The following REV3L variants were observed in gnomAD, a reference collection of about 807,000 sequenced individuals.
REV3L encodes the protein DNA polymerase zeta catalytic subunit.
REV3L carries 69 observed loss-of-function variants against 299.4 expected under a neutral mutation model. The observed-to-expected ratio is 0.23, with a 90% CI of 0.19 to 0.28. The LOEUF is 0.28. Ranked by LOEUF, REV3L falls within the 10% of genes least tolerant of loss-of-function variation. REV3L has a pLI of 1.00. For missense variants in REV3L, 3,128 were observed against 3,693.8 expected (o/e 0.85, Z 3.97); for synonymous variants, 1,238 against 1,271.4 (o/e 0.97, Z 0.56).
Position 111,376,334 on chromosome 6 carries a change from GGTACTT to G in REV3L, c.2015_2020del (p.Gln672_Val673del). On this transcript the variant is annotated inframe_deletion, in exon 13 of 32. Coordinates refer to ENST00000368802, the MANE Select transcript of REV3L (RefSeq NM_001372078.1). ...TCTAATGTTTGTATATTTTCTACTT[GGTACTT>G]GTCTTGTAACAGATGGAATATCTTC... The G allele has an allele frequency of 3.1e-6, 5 of 1,612,638 alleles. No individual in the cohort carries two copies. Among genetic ancestry groups the G allele is most frequent in the Non-Finnish European group, 4.2e-6 (5 of 1,179,486 alleles).
intron 25 of REV3L, among the ~76,000 whole-genome samples, chr6:111,328,568 G>A (rs1775069373): frequency 6.6e-6 from 1 of 152,118 alleles, no homozygotes; most frequent in African/African-American, 2.4e-5. Flanking sequence ...TGCAGAAATA[G>A]GTGTATGCTA....
At position 111,472,580 on chromosome 6, in the gene REV3L, G is replaced by GA. The variant is rs771320199; in HGVS notation, c.139+10169dup. Among the ~76,000 whole-genome samples, 497 of 138,246 alleles carry GA rather than the reference G, an allele frequency of 3.6e-3. 2 individuals carry two copies. Among genetic ancestry groups the GA allele is most frequent in the African/African-American group, 9.5e-3 (358 of 37,782 alleles). 90.7% of individuals were successfully genotyped at this position (138,246 alleles called of 152,430 possible). On this transcript the variant is annotated intron_variant, in intron 1 of 31. Transcript: ENST00000368802. ...TAAAAAAATAGAATTGGCCAAAAAA[G>GA]AAAAAAAAAAACCACGAAATTTTCC...
At chr6:111,454,883 C>T (rs992093045) in intron 1 of REV3L, among the ~76,000 whole-genome samples, 1 of 152,148 alleles carries the variant, frequency 6.6e-6, no homozygotes, top group Non-Finnish European at 1.5e-5. Context: ...TCAGACTGGT[C>T]TCAAACTCCC....
At chr6:111,321,277 T>C (rs573675480) in intron 26 of REV3L, among the ~76,000 whole-genome samples, 2 of 152,340 alleles carry the variant, frequency 1.3e-5, no homozygotes, top group South Asian at 2.1e-4. Context: ...TTATTTTTTG[T>C]AGCTTGACTT....
At chr6:111,460,401 C>A (rs768194889) in intron 1 of REV3L, 1 of 141,214 alleles carries the variant, frequency 7.1e-6, no homozygotes, top group Non-Finnish European at 1.5e-5. Context: ...CAGGTACACC[C>A]GGAATCTAAA....
At chr6:111,437,725 G>A (rs957210765) in intron 1 of REV3L, among the ~76,000 whole-genome samples, 9 of 152,008 alleles carry the variant, frequency 5.9e-5, no homozygotes, top group Admixed American at 4.6e-4. Flanking sequence ...TATTTGAGAC[G>A]GTGTTTCTTT....
At chr6:111,351,181 A>G (rs1307380884) in intron 19 of REV3L, among the ~76,000 whole-genome samples, 4 of 152,186 alleles carry the variant, frequency 2.6e-5, no homozygotes, top group Admixed American at 6.5e-5. Context: ...ATAAAAATCA[A>G]TGATTAGTTA....
At chr6:111,482,288 A>C (rs1331241258) in intron 1 of REV3L, among the ~76,000 whole-genome samples, 1 of 152,156 alleles carries the variant, frequency 6.6e-6, no homozygotes, top group Non-Finnish European at 1.5e-5. Context: ...AGCGACTGAC[A>C]ACAAGGCTGA....
intron 1 of REV3L, among the ~76,000 whole-genome samples, chr6:111,449,206 T>C (rs984123035): frequency 2.6e-5 from 4 of 152,306 alleles, no homozygotes; most frequent in Admixed American, 2.6e-4. Context: ...TTGGCCAGCA[T>C]AGGACAGTAA....
At chr6:111,481,561 G>A (rs906973432) in intron 1 of REV3L, among the ~76,000 whole-genome samples, 1 of 152,166 alleles carries the variant, frequency 6.6e-6, no homozygotes, top group Admixed American at 6.5e-5. Context: ...CTTGTGTTTG[G>A]GAAAGCGCTA....
chr6:111,415,980 A>T (rs1784728147), intron 2 of REV3L, among the ~76,000 whole-genome samples: 1 of 152,230 alleles, frequency 6.6e-6, no homozygotes, highest in South Asian at 2.1e-4. Flanking sequence ...AAACGCCTAG[A>T]ACAGTGCTTA....
Position 111,373,744 on chromosome 6 carries a change from T to C in REV3L, c.4611A>G (p.Arg1537=), listed in dbSNP as rs1299649391. 2 of 1,613,912 alleles carry C rather than the reference T, an allele frequency of 1.2e-6. No homozygotes were observed. Among genetic ancestry groups the C allele is most frequent in the African/African-American group, 2.7e-5 (2 of 74,932 alleles). ...TATTTGCATTTTGTGCTTTCTGCTG[T>C]CTTTTTTGTAACAATTCTTTTAGAA... is the stretch of plus-strand genomic sequence containing the variant. ...LAVLKELLQK[R]QQKAQNANTT... Residue 1537 remains arginine (R), a synonymous_variant, in exon 13 of 32, where the codon AGA becomes AGG. Transcript: ENST00000368802.
At chr6:111,481,518 T>A (rs1189865935) in intron 1 of REV3L, among the ~76,000 whole-genome samples, 1 of 152,186 alleles carries the variant, frequency 6.6e-6, no homozygotes, top group Non-Finnish European at 1.5e-5. Context: ...CAAAGAGAAT[T>A]CACATTAAAA....
intron 19 of REV3L, among the ~76,000 whole-genome samples, chr6:111,351,428 T>G (rs979847087): frequency 1.3e-5 from 2 of 152,110 alleles, no homozygotes; most frequent in African/African-American, 4.8e-5. Flanking sequence ...CCACTACATA[T>G]GTATATGAAA....
intron 29 of REV3L, 168 bp downstream of exon 29, chr6:111,310,901 C>T (rs1772901112): frequency 2.2e-6 from 1 of 462,336 alleles, no homozygotes; most frequent in African/African-American, 2.0e-5. Context: ...TTCCTCTTCA[C>T]ATCTTACGAA....
chr6:111,374,614 A>G lies in REV3L; in HGVS notation c.3741T>C (p.Asn1247=), dbSNP rs759869660. Residue 1247 remains asparagine, a synonymous_variant, in exon 13 of 32, where the codon AAT becomes AAC. Coordinates refer to ENST00000368802, the MANE Select transcript of REV3L (RefSeq NM_001372078.1). ...CAGAACTACTTGCAAATTCAGACAC[A>G]TTCTGGTGTTTCAGTACAAACTTAA... is the stretch of plus-strand genomic sequence containing the variant. ...AEVKFVLKHQ[N]VSEFASSSGG... is the part of the protein sequence containing the mutation. 6.2e-7 allele frequency: 1 copy of G among 1,613,780 alleles called. No individual in the cohort carries two copies. The highest frequency in any genetic ancestry group is 8.5e-7 in the Non-Finnish European group (1 of 1,179,900).
chr6:111,452,359 A>G (rs961939248), intron 1 of REV3L, among the ~76,000 whole-genome samples: 1 of 152,196 alleles, frequency 6.6e-6, no homozygotes, highest in African/African-American at 2.4e-5. Flanking sequence ...AAGTATTTAT[A>G]AGAGAAATGA....
chr6:111,336,971 T>C (rs180916290), intron 21 of REV3L, among the ~76,000 whole-genome samples: 47 of 152,112 alleles, frequency 3.1e-4, no homozygotes, highest in Non-Finnish European at 6.5e-4. Flanking sequence ...GTCAAATTTA[T>C]TTGGGAAAAT....
chr6:111,431,227 A>G, intron 1 of REV3L: 1 of 1,555,836 alleles, frequency 6.4e-7, no homozygotes, highest in Non-Finnish European at 8.9e-7. Context: ...TGTTTTAACA[A>G]AAGGAGGGCA....
Sources: allele counts gnomAD v4.1 joint callset (sites outside exome capture counted in the v4.1 genomes callset), GRCh38; gene constraint gnomAD v4.1.1; transcripts MANE v1.5; gene names NCBI Gene and HGNC (gene_info 2026-07-23, HGNC 2026-07-21).